The following ZNF385B variants were observed in gnomAD, a reference collection of about 807,000 sequenced individuals.
The protein encoded by ZNF385B is zinc finger protein 533.
Under a neutral mutation model 39.2 loss-of-function variants are expected in ZNF385B, and 23 were observed. The observed-to-expected ratio is 0.59, with a 90% CI of 0.42 to 0.83. ZNF385B has a LOEUF of 0.83. ZNF385B is among the 40% of genes least tolerant of loss of function. ZNF385B has a pLI of 0.00. For synonymous variants in ZNF385B, 205 were observed against 222.6 expected (o/e 0.92, Z 0.70); for missense variants, 552 against 598.9 (o/e 0.92, Z 0.82).
rs2054231729 is a variant in ZNF385B at position 179,483,491 on chromosome 2, A to G, written c.553-57T>C. On this transcript the variant is annotated intron_variant, in intron 5 of 9. Transcript: ENST00000410066. ...TTGCTAATTACAAACACCACAGTGGATGATCATGCAGGAGAAAAATACATT... is the reference window on the plus strand; with the variant it reads ...TTGCTAATTACAAACACCACAGTGGGTGATCATGCAGGAGAAAAATACATT... 6 of 1,603,982 alleles carry G rather than the reference A, an allele frequency of 3.7e-6. No homozygotes were observed. The South Asian group carries it at 6.6e-5, about 18-fold the overall frequency.
intron 3 of ZNF385B, among the ~76,000 whole-genome samples, chr2:179,574,343 A>T (rs1317776179): frequency 6.6e-6 from 1 of 152,216 alleles, no homozygotes; most frequent in African/African-American, 2.4e-5. Flanking sequence ...GTACAATTAA[A>T]TGAACTTTTC....
intron 8 of ZNF385B, 38 bp from the exon 9 acceptor site, chr2:179,445,015 A>G (rs2049330525): frequency 1.4e-5 from 22 of 1,555,078 alleles, no homozygotes; most frequent in African/African-American, 4.1e-5. Context: ...CTGAAATGTG[A>G]GTCTTATTCC....
chr2:179,706,984 C>G (rs75985734), intron 3 of ZNF385B, among the ~76,000 whole-genome samples: 18,726 of 152,066 alleles, frequency 0.12, 1,809 homozygotes, highest in East Asian at 0.49. Context: ...TCCTGGGACC[C>G]CAAGATACCT....
intron 1 of ZNF385B, among the ~76,000 whole-genome samples, chr2:179,824,463 G>A (rs918987111): frequency 1.3e-5 from 2 of 151,982 alleles, no homozygotes; most frequent in African/African-American, 4.8e-5. Context: ...ATCCTACACA[G>A]AACAGCATAG....
rs114822784 is a variant in ZNF385B, at chr2:179,552,424, A to G, written c.299-7455T>C. Among the ~76,000 whole-genome samples, 222 of 149,438 alleles carry G rather than the reference A, an allele frequency of 1.5e-3. 23 individuals carry two copies. Among genetic ancestry groups the G allele is most frequent in the African/African-American group, 5.5e-3 (218 of 39,786 alleles). On this transcript the variant is annotated intron_variant, in intron 3 of 9. Coordinates refer to ENST00000410066, the MANE Select transcript of ZNF385B (RefSeq NM_152520.6). ...TTATGCCATTATTATGCATGTTCCC[A>G]TCAGTGAGTACTGAAATTAAAAACT... is the stretch of plus-strand genomic sequence containing the variant.
chr2:179,559,730 A>T (rs2105956958), intron 3 of ZNF385B, among the ~76,000 whole-genome samples: 1 of 152,246 alleles, frequency 6.6e-6, no homozygotes, highest in East Asian at 1.9e-4. Context: ...TAGTAAAGCC[A>T]TTTGACATAT....
chr2:179,596,748 G>A (rs1173318409), intron 3 of ZNF385B, among the ~76,000 whole-genome samples: 1 of 152,038 alleles, frequency 6.6e-6, no homozygotes, highest in South Asian at 2.1e-4. Flanking sequence ...ACCATCTTTT[G>A]TCATCTGAAT....
At chr2:179,652,076 A>C (rs571561835) in intron 3 of ZNF385B, among the ~76,000 whole-genome samples, 3 of 152,188 alleles carry the variant, frequency 2.0e-5, no homozygotes, top group African/African-American at 7.2e-5. Context: ...TCAGAGGATC[A>C]GCAAACTCTT....
rs184784936 is a variant in ZNF385B at position 179,600,012 on chromosome 2, T to G, written c.299-55043A>C. On this transcript the variant is annotated intron_variant, in intron 3 of 9. Coordinates refer to ENST00000410066, the MANE Select transcript of ZNF385B (RefSeq NM_152520.6). ...CATTTTGAATATGCCATTATGACTATGTGGAAGAAAGAAGTAATCATGAAC... is the reference window on the plus strand; with the variant it reads ...CATTTTGAATATGCCATTATGACTAGGTGGAAGAAAGAAGTAATCATGAAC... Among the ~76,000 whole-genome samples, 393 of 152,316 alleles carry G rather than the reference T, an allele frequency of 2.6e-3. 1 individual carries two copies. Among genetic ancestry groups the G allele is most frequent in the African/African-American group, 8.9e-3 (370 of 41,570 alleles).
intron 5 of ZNF385B, among the ~76,000 whole-genome samples, chr2:179,495,026 C>A (rs533486795): frequency 6.6e-6 from 1 of 152,082 alleles, no homozygotes; most frequent in East Asian, 1.9e-4. Context: ...GATATCAGCA[C>A]GGCCACAGAG....
intron 3 of ZNF385B, among the ~76,000 whole-genome samples, chr2:179,666,093 A>T (rs1695114663): frequency 6.6e-6 from 1 of 152,226 alleles, no homozygotes; most frequent in African/African-American, 2.4e-5. Context: ...TGCAAACAAA[A>T]ATGTTAAGAT....
chr2:179,641,708 T>C (rs998575687), intron 3 of ZNF385B, among the ~76,000 whole-genome samples: 9 of 125,488 alleles, frequency 7.2e-5, no homozygotes, highest in Non-Finnish European at 1.6e-4. Context: ...AAAAAAAAAA[T>C]CAATTTACAG....
At chr2:179,565,673 T>C (rs1429480014) in intron 3 of ZNF385B, among the ~76,000 whole-genome samples, 1 of 152,218 alleles carries the variant, frequency 6.6e-6, no homozygotes, top group East Asian at 1.9e-4. Flanking sequence ...CTTTATGCGT[T>C]CTATCACTTT....
At chr2:179,475,371 C>T (rs562481381) in intron 6 of ZNF385B, among the ~76,000 whole-genome samples, 16 of 151,876 alleles carry the variant, frequency 1.1e-4, no homozygotes, top group Non-Finnish European at 2.2e-4. Context: ...CCTGCCTCAG[C>T]CTCCTGAGTA....
At chr2:179,690,040 T>G (rs997255541) in intron 3 of ZNF385B, among the ~76,000 whole-genome samples, 1 of 152,194 alleles carries the variant, frequency 6.6e-6, no homozygotes, top group Non-Finnish European at 1.5e-5. Flanking sequence ...TTGGTTCTCC[T>G]AACTCTGCCC....
intron 1 of ZNF385B, among the ~76,000 whole-genome samples, chr2:179,789,070 A>G (rs1446490167): frequency 6.6e-6 from 1 of 152,170 alleles, no homozygotes; most frequent in Admixed American, 6.5e-5. Context: ...ACTGCCTCTA[A>G]TGTTACATTT....
intron 3 of ZNF385B, among the ~76,000 whole-genome samples, chr2:179,758,874 A>C (rs765789383): frequency 6.6e-6 from 1 of 152,234 alleles, no homozygotes; most frequent in Non-Finnish European, 1.5e-5. Flanking sequence ...AGCCCAGCCC[A>C]CATTTCTGAC....
chr2:179,500,795 T>C (rs2056681027), intron 5 of ZNF385B, among the ~76,000 whole-genome samples: 1 of 151,980 alleles, frequency 6.6e-6, no homozygotes, highest in Non-Finnish European at 1.5e-5. Context: ...ATCAATAAAG[T>C]GAAGAGACAA....
At chr2:179,681,762 T>C (rs192088468) in intron 3 of ZNF385B, among the ~76,000 whole-genome samples, 10 of 152,310 alleles carry the variant, frequency 6.6e-5, no homozygotes, top group Non-Finnish European at 2.9e-5. Flanking sequence ...CTGTGGGAAA[T>C]GGATGCAATT....
Sources: allele counts gnomAD v4.1 joint callset (sites outside exome capture counted in the v4.1 genomes callset), GRCh38; gene constraint gnomAD v4.1.1; transcripts MANE v1.5; gene names NCBI Gene and HGNC (gene_info 2026-07-23, HGNC 2026-07-21).